The following CLDN16 variants were observed in gnomAD, a reference collection of about 807,000 sequenced individuals.
CLDN16 encodes the protein claudin-16.
In CLDN16, 13 loss-of-function variants were observed where a neutral mutation model predicts 24.6. That is an observed-to-expected ratio of 0.53 (90% CI 0.34 to 0.84). CLDN16 has a LOEUF of 0.84. Among genes scored for constraint, CLDN16 ranks in the 40% least tolerant of loss-of-function variants. The pLI is 0.01. For synonymous variants in CLDN16, 116 were observed against 106.7 expected, an observed-to-expected ratio of 1.09 and a Z score of -0.54; for missense variants, 298 against 292.7, an observed-to-expected ratio of 1.02 and a Z score of -0.13.
At chr3:190,363,339 TC>T (rs1359193221) in intron 1 of CLDN16, among the ~76,000 whole-genome samples, 2 of 151,616 alleles carry the variant, frequency 1.3e-5, no homozygotes, top group Non-Finnish European at 2.9e-5. Context: ...TCCATTTTTT[TC>T]ATTCATTCAA....
intron 3 of CLDN16, among the ~76,000 whole-genome samples, chr3:190,375,379 A>C (rs142657572): frequency 1.3e-5 from 2 of 152,084 alleles, no homozygotes; most frequent in Non-Finnish European, 2.9e-5. Flanking sequence ...GAATGGCTAC[A>C]GATCTAGAGA....
At chr3:190,395,922 C>A (rs534579598) in intron 1 of CLDN16, among the ~76,000 whole-genome samples, 1 of 152,112 alleles carries the variant, frequency 6.6e-6, no homozygotes, top group Non-Finnish European at 1.5e-5. Context: ...GACACACACA[C>A]AGACATAATT....
At chr3:190,322,347 G>T (rs1356220350), upstream of CLDN16, 13 of 772,192 alleles carry the variant, frequency 1.7e-5, no homozygotes, top group Non-Finnish European at 2.6e-5. Flanking sequence ...CTGCGCCGCC[G>T]CTGGAGAAGC....
At chr3:190,373,203 T>C (rs949060041) in intron 2 of CLDN16, among the ~76,000 whole-genome samples, 1 of 150,914 alleles carries the variant, frequency 6.6e-6, no homozygotes, top group Non-Finnish European at 1.5e-5. Flanking sequence ...AGTGATATGA[T>C]TTTTCTAACA....
At position 190,379,975 on chromosome 3, in the gene CLDN16, G is replaced by GTCTGTCTA. The variant is rs1553806906; in HGVS notation, n.306+5375_306+5376insGTCTATCT. Among the ~76,000 whole-genome samples the GTCTGTCTA allele has an allele frequency of 1.3e-4, 20 of 149,104 alleles. No homozygotes were observed. In the South Asian group the frequency reaches 2.2e-3, roughly 16 times the overall value. Reference sequence around the variant, plus strand: ...TGATCTATCTATGTCTATCAACTCTGTCTATCTATCTATCTATCTATCTAT... The same window carrying GTCTGTCTA: ...TGATCTATCTATGTCTATCAACTCTGTCTGTCTATCTATCTATCTATCTATCTATCTAT... On this transcript the variant is annotated intron_variant and non_coding_transcript_variant, in intron 3 of 4. Transcript: ENST00000468220.
chr3:190,308,303 G>T, the CLDN16 span: 11 of 1,613,694 alleles, frequency 6.8e-6, no homozygotes, highest in African/African-American at 2.7e-5. Flanking sequence ...CCGCTGGAAG[G>T]TGCAGGTTTT....
At chr3:190,373,836 C>T (rs1365504640) in intron 2 of CLDN16, among the ~76,000 whole-genome samples, 1 of 71,194 alleles carries the variant, frequency 1.4e-5, no homozygotes, top group African/African-American at 5.9e-5. Flanking sequence ...CTATAATGTG[C>T]CCATATTAAA....
chr3:190,343,981 C>T (rs185335832), intron 1 of CLDN16, among the ~76,000 whole-genome samples: 8 of 151,150 alleles, frequency 5.3e-5, no homozygotes, highest in East Asian at 3.9e-4. Context: ...TGTGATAGGG[C>T]GAATAATGAA....
the CLDN16 span, among the ~76,000 whole-genome samples, chr3:190,309,187 AC>A: frequency 6.6e-6 from 1 of 152,146 alleles, no homozygotes; most frequent in Non-Finnish European, 1.5e-5. Context: ...GCCTCAATAG[AC>A]TGCTTTTAGG....
chr3:190,322,140 C>A, upstream of CLDN16: 1 of 1,614,220 alleles, frequency 6.2e-7, no homozygotes, highest in Non-Finnish European at 8.5e-7. Flanking sequence ...GCAGTGCTGA[C>A]GATGGCGCCG....
chr3:190,369,038 G>T (rs2108646177), intron 1 of CLDN16, among the ~76,000 whole-genome samples: 1 of 152,066 alleles, frequency 6.6e-6, no homozygotes, highest in South Asian at 2.1e-4. Context: ...CAAACAGGTA[G>T]TCATAGATCT....
chr3:190,410,937 A>C lies in CLDN16; in HGVS notation c.*901A>C, dbSNP rs879005444. 2.0e-5 allele frequency: 3 copies of C among 152,230 alleles called. No individual in the cohort carries two copies. The South Asian group carries it at 6.2e-4, about 31-fold the overall frequency. 9.4% of individuals were successfully genotyped at this position (152,230 alleles called of 1,614,324 possible). A position where few individuals can be genotyped will look rare whatever the true frequency, so the allele number is the denominator to read the frequency against. Reference sequence around the variant, plus strand: ...AAATTCAACAAATATATTTTGATATAAATAAATAAACGTTCACGACTTTAC... The same window carrying C: ...AAATTCAACAAATATATTTTGATATCAATAAATAAACGTTCACGACTTTAC... On this transcript the variant is annotated 3_prime_UTR_variant, in exon 5 of 5. Coordinates refer to ENST00000264734, the MANE Select transcript of CLDN16 (RefSeq NM_006580.4).
At chr3:190,301,242 C>G in the CLDN16 span, among the ~76,000 whole-genome samples, 1 of 152,124 alleles carries the variant, frequency 6.6e-6, no homozygotes, top group Non-Finnish European at 1.5e-5. Flanking sequence ...TGCCTGTAAT[C>G]CCAGCACTTT....
At chr3:190,308,449 A>G in the CLDN16 span, 1 of 1,613,360 alleles carries the variant, frequency 6.2e-7, no homozygotes, top group Non-Finnish European at 8.5e-7. Flanking sequence ...CCTAAAAGGA[A>G]AAACCCATGT....
At chr3:190,401,502 A>G (rs1718962226) in intron 1 of CLDN16, among the ~76,000 whole-genome samples, 1 of 152,252 alleles carries the variant, frequency 6.6e-6, no homozygotes, top group East Asian at 1.9e-4. Flanking sequence ...CGTGAGCTCT[A>G]TCAAGAACAC....
chr3:190,325,215 T>C (rs1188630702), intron 1 of CLDN16, among the ~76,000 whole-genome samples: 2 of 152,202 alleles, frequency 1.3e-5, no homozygotes, highest in Non-Finnish European at 2.9e-5. Flanking sequence ...CAAGTTCATA[T>C]TGAATATGGC....
chr3:190,398,107 C>T (rs531063319), intron 1 of CLDN16, among the ~76,000 whole-genome samples: 107 of 152,258 alleles, frequency 7.0e-4, no homozygotes, highest in South Asian at 3.7e-3. Context: ...CTGGATGCAG[C>T]GTGTTCCTGT....
At chr3:190,370,240 T>C (rs1718110012) in intron 1 of CLDN16, among the ~76,000 whole-genome samples, 1 of 151,974 alleles carries the variant, frequency 6.6e-6, no homozygotes, top group South Asian at 2.1e-4. Flanking sequence ...GGTGAATCAT[T>C]AGGTGTAGGT....
chr3:190,360,648 TA>T (rs1171689626), intron 1 of CLDN16, among the ~76,000 whole-genome samples: 2 of 151,960 alleles, frequency 1.3e-5, no homozygotes, highest in African/African-American at 2.4e-5. Context: ...GGTATTCTTT[TA>T]TTTTTTTCCC....
Sources: allele counts gnomAD v4.1 joint callset (sites outside exome capture counted in the v4.1 genomes callset), GRCh38; gene constraint gnomAD v4.1.1; transcripts MANE v1.5; gene names NCBI Gene and HGNC (gene_info 2026-07-23, HGNC 2026-07-21).